Variants in CALN1 observed in about 807,000 individuals in gnomAD.
CALN1 encodes calcium-binding protein 8.
Under a neutral mutation model 30.6 loss-of-function variants are expected in CALN1, and 17 were observed. That is an observed-to-expected ratio of 0.56 (90% CI 0.38 to 0.83). The LOEUF is 0.83. Ranked by LOEUF, CALN1 falls within the 40% of genes least tolerant of loss-of-function variation. The pLI is 0.00. For missense variants in CALN1, 291 were observed against 354.9 expected (o/e 0.82, Z 1.45); for synonymous variants, 156 against 131.4 (o/e 1.19, Z -1.28).
At chr7:72,413,324 C>T (rs564205892), upstream of CALN1, among the ~76,000 whole-genome samples, 120 of 151,498 alleles carry the variant, frequency 7.9e-4, no homozygotes, top group Middle Eastern at 6.8e-3. Flanking sequence ...CACACACTAA[C>T]ATACACTCAC....
At chr7:72,325,171 A>C (rs915728942) in intron 2 of CALN1, among the ~76,000 whole-genome samples, 2 of 151,802 alleles carry the variant, frequency 1.3e-5, no homozygotes, top group African/African-American at 2.4e-5. Flanking sequence ...CTTGGTGGCA[A>C]ACTTTGGTCC....
intron 5 of CALN1, among the ~76,000 whole-genome samples, chr7:71,985,149 A>G (rs867488929): frequency 6.8e-6 from 1 of 147,372 alleles, no homozygotes; most frequent in African/African-American, 2.6e-5. Context: ...GGCAAGCTAC[A>G]AAAGAGAGAA....
At chr7:71,993,750 C>T (rs1183879614) in intron 5 of CALN1, among the ~76,000 whole-genome samples, 2 of 152,114 alleles carry the variant, frequency 1.3e-5, no homozygotes, top group Non-Finnish European at 2.9e-5. Flanking sequence ...AGCCACTGTG[C>T]CCAGCCTGAG....
chr7:72,258,848 T>C (rs369454788), intron 3 of CALN1, among the ~76,000 whole-genome samples: 11 of 148,134 alleles, frequency 7.4e-5, no homozygotes, highest in African/African-American at 2.5e-4. Context: ...AGGTCAGGAG[T>C]TCGAGAGCAG....
At chr7:72,375,177 G>C (rs1804483879) in intron 2 of CALN1, among the ~76,000 whole-genome samples, 1 of 152,106 alleles carries the variant, frequency 6.6e-6, no homozygotes, top group Non-Finnish European at 1.5e-5. Context: ...CAAAAGTCTT[G>C]GTGTGGCCCA....
At chr7:72,286,693 G>C (rs1450753386) in intron 2 of CALN1, among the ~76,000 whole-genome samples, 1 of 152,220 alleles carries the variant, frequency 6.6e-6, no homozygotes, top group Non-Finnish European at 1.5e-5. Flanking sequence ...GGGCATGCCA[G>C]TTGGCAAACA....
At chr7:72,244,464 G>A (rs781761680) in intron 3 of CALN1, among the ~76,000 whole-genome samples, 7 of 151,948 alleles carry the variant, frequency 4.6e-5, no homozygotes, top group Admixed American at 6.6e-5. Context: ...TCCAGTAGAG[G>A]AACTAAAATA....
intron 5 of CALN1, among the ~76,000 whole-genome samples, chr7:71,916,483 G>A (rs1441261434): frequency 6.6e-6 from 1 of 152,066 alleles, no homozygotes; most frequent in Non-Finnish European, 1.5e-5. Flanking sequence ...AGAATACTAT[G>A]CAACCATAAA....
At chr7:71,814,170 C>T (rs1788126843) in intron 5 of CALN1, among the ~76,000 whole-genome samples, 1 of 152,166 alleles carries the variant, frequency 6.6e-6, no homozygotes, top group Admixed American at 6.5e-5. Context: ...GGTTTTTGTC[C>T]AACAGGGTTT....
intron 1 of CALN1, among the ~76,000 whole-genome samples, chr7:72,403,955 C>T (rs1173199936): frequency 2.0e-5 from 3 of 152,196 alleles, no homozygotes; most frequent in Non-Finnish European, 4.4e-5. Flanking sequence ...ACCCTCCTAA[C>T]TTCCTTAAAG....
At chr7:71,856,989 G>A (rs1790984656) in intron 5 of CALN1, among the ~76,000 whole-genome samples, 3 of 148,936 alleles carry the variant, frequency 2.0e-5, no homozygotes, top group Admixed American at 1.4e-4. Flanking sequence ...AATAATAACT[G>A]TAGACAACCT....
rs547670570 is a variant in CALN1 at position 72,350,529 on chromosome 7, C to T, written c.119+52722G>A. Among the ~76,000 whole-genome samples, 18 of 152,242 alleles carry T rather than the reference C, an allele frequency of 1.2e-4. No individual in the cohort carries two copies. The South Asian group carries it at 3.7e-3, about 32-fold the overall frequency. The stretch of plus-strand genomic sequence containing the variant: ...TTATCCTAAGCAATTTAATGCAGAA[C>T]AGAAAACCAAATACTGCATGTTTTC... On this transcript the variant is annotated intron_variant, in intron 2 of 6. Coordinates refer to ENST00000395275, the MANE Select transcript of CALN1 (RefSeq NM_031468.4).
intron 2 of CALN1, among the ~76,000 whole-genome samples, chr7:72,333,932 C>G (rs1801835845): frequency 1.3e-5 from 2 of 152,282 alleles, no homozygotes; most frequent in Non-Finnish European, 1.5e-5. Flanking sequence ...AAACAAGTTA[C>G]TGCAGGTCAA....
At chr7:72,382,642 G>C (rs1184702226) in intron 2 of CALN1, among the ~76,000 whole-genome samples, 1 of 152,058 alleles carries the variant, frequency 6.6e-6, no homozygotes, top group Non-Finnish European at 1.5e-5. Context: ...AGTCCTCAGT[G>C]TCTGTTTCTT....
chr7:71,980,280 A>G (rs1355864910), intron 5 of CALN1, among the ~76,000 whole-genome samples: 1 of 145,972 alleles, frequency 6.9e-6, no homozygotes, highest in Non-Finnish European at 1.5e-5. Context: ...TTCACCTCCC[A>G]GGTTCAAGTG....
intron 3 of CALN1, among the ~76,000 whole-genome samples, chr7:72,220,603 C>T (rs1280238795): frequency 2.6e-5 from 4 of 152,184 alleles, no homozygotes; most frequent in African/African-American, 7.2e-5. Context: ...TTCTAGATCC[C>T]TGAGGAATTG....
the CALN1 span, among the ~76,000 whole-genome samples, chr7:72,476,025 T>G: frequency 7.0e-6 from 1 of 142,634 alleles, no homozygotes; most frequent in Non-Finnish European, 1.5e-5. Flanking sequence ...CTCACCTCAC[T>G]GCAACCTCTG....
intron 3 of CALN1, among the ~76,000 whole-genome samples, chr7:72,275,672 A>G (rs1797289316): frequency 2.0e-5 from 3 of 152,138 alleles, no homozygotes; most frequent in Admixed American, 1.3e-4. Flanking sequence ...ACTTCACTCA[A>G]TAAACTACCC....
At chr7:72,232,066 G>A (rs973195077) in intron 3 of CALN1, among the ~76,000 whole-genome samples, 2 of 152,230 alleles carry the variant, frequency 1.3e-5, no homozygotes, top group Admixed American at 6.5e-5. Context: ...TACAGGCTGG[G>A]GCCAAAGGAG....
Sources: allele counts gnomAD v4.1 joint callset (sites outside exome capture counted in the v4.1 genomes callset), GRCh38; gene constraint gnomAD v4.1.1; transcripts MANE v1.5; gene names NCBI Gene and HGNC (gene_info 2026-07-23, HGNC 2026-07-21).